Variants in PCNX1 observed in about 807,000 individuals in gnomAD.
PCNX1 encodes pecanex-like protein 1.
PCNX1 carries 78 observed loss-of-function variants against 242.2 expected under a neutral mutation model. The ratio of observed to expected loss-of-function variants is 0.32; its 90% CI spans 0.27 to 0.39. The LOEUF (loss-of-function observed/expected upper bound fraction) is 0.39, where lower values mean the gene tolerates loss of function less well. Among genes scored for constraint, PCNX1 ranks in the 10% least tolerant of loss-of-function variants. PCNX1 has a pLI of 1.00. For synonymous variants in PCNX1, 1,024 were observed against 1,032.9 expected (o/e 0.99, Z 0.17); for missense variants, 2,581 against 2,856.5 (o/e 0.90, Z 2.20).
chr14:70,989,319 TGTG>T (rs894110916), intron 7 of PCNX1, among the ~76,000 whole-genome samples: 1 of 151,666 alleles, frequency 6.6e-6, no homozygotes, highest in African/African-American at 2.4e-5. Flanking sequence ...AGCTCTGTAT[TGTG>T]GTAAACAAAA....
At chr14:71,076,065 CAGA>C in intron 27 of PCNX1, 121 bp from the exon 28 acceptor site, 1 of 619,952 alleles carries the variant, frequency 1.6e-6, no homozygotes, top group East Asian at 2.8e-5. Flanking sequence ...ACTTTTTAGT[CAGA>C]CTAAAAAGTG....
chr14:70,942,325 T>A (rs941374621), intron 1 of PCNX1, among the ~76,000 whole-genome samples: 19 of 152,224 alleles, frequency 1.2e-4, no homozygotes, highest in Non-Finnish European at 2.2e-4. Context: ...AGGTTTTTTT[T>A]AAATAAAGAC....
Position 70,978,033 on chromosome 14 carries a change from A to C in PCNX1, c.1696A>C (p.Lys566Gln). The change falls in exon 6 of 36, where the codon AAA becomes CAA. Residue 566 changes from lysine to glutamine, a missense_variant. Around this residue, in one of 9 missense-constraint regions of PCNX1, gnomAD observed 1,204 missense variants for 1,216.7 expected, o/e 0.99. Coordinates refer to ENST00000304743, the MANE Select transcript of PCNX1 (RefSeq NM_014982.3). Reference sequence around the variant, plus strand: ...CAAGTCAGGCAGGAGACGCACAGGAAAAAAACGGGCTAGCAGTTTTGATTC... The same window carrying C: ...CAAGTCAGGCAGGAGACGCACAGGACAAAAACGGGCTAGCAGTTTTGATTC... Reference protein sequence around the residue: ...AHKSGRRRTGKKRASSFDSSR... With the variant: ...AHKSGRRRTGQKRASSFDSSR... The C allele has an allele frequency of 6.2e-7, 1 of 1,614,126 alleles. No homozygotes were observed. Among genetic ancestry groups the C allele is most frequent in the Non-Finnish European group, 8.5e-7 (1 of 1,180,022 alleles).
At chr14:71,060,435 T>C (rs1389966091) in intron 26 of PCNX1, among the ~76,000 whole-genome samples, 1 of 152,234 alleles carries the variant, frequency 6.6e-6, no homozygotes, top group Admixed American at 6.5e-5. Context: ...GGCAGACTCA[T>C]ACATCTCACA....
intron 1 of PCNX1, among the ~76,000 whole-genome samples, chr14:70,921,892 G>T (rs997296242): frequency 6.6e-6 from 1 of 152,038 alleles, no homozygotes; most frequent in Non-Finnish European, 1.5e-5. Flanking sequence ...AATGCTTCAG[G>T]CAATATTTTT....
rs2062759375 is a variant in PCNX1 at position 71,111,884 on chromosome 14, G to GTAT, written c.*1951_*1953dup. The GTAT allele has an allele frequency of 6.6e-6, 1 of 152,396 alleles. No homozygotes were observed. The highest frequency in any genetic ancestry group is 1.5e-5 in the Non-Finnish European group (1 of 67,944). 9.4% of individuals were successfully genotyped at this position (152,396 alleles called of 1,614,324 possible). ...CTTTCTAAATTGACCATTTAAAAATGTATTTTTGTGATACCGTCATTATGT... is the reference window on the plus strand; with the variant it reads ...CTTTCTAAATTGACCATTTAAAAATGTATTATTTTTGTGATACCGTCATTATGT... On this transcript the variant is annotated 3_prime_UTR_variant, in exon 36 of 36. Coordinates refer to ENST00000304743, the MANE Select transcript of PCNX1 (RefSeq NM_014982.3).
At chr14:71,079,051 C>T (rs1270259289) in intron 28 of PCNX1, among the ~76,000 whole-genome samples, 2 of 152,102 alleles carry the variant, frequency 1.3e-5, no homozygotes, top group Non-Finnish European at 2.9e-5. Context: ...TCCCTGTGTC[C>T]ATGTGTTCTC....
intron 6 of PCNX1, among the ~76,000 whole-genome samples, chr14:70,978,953 TCTTC>T (rs1438627614): frequency 2.0e-5 from 3 of 152,162 alleles, no homozygotes; most frequent in African/African-American, 7.2e-5. Flanking sequence ...AAATTAGCCC[TCTTC>T]CTTTGTATAG....
intron 15 of PCNX1, 53 bp downstream of exon 15, chr14:71,026,935 T>G (rs1347160590): frequency 6.3e-6 from 5 of 792,032 alleles, no homozygotes; most frequent in Non-Finnish European, 1.1e-5. Context: ...TTATAGATCA[T>G]GAAGTAATAA....
At position 70,977,028 on chromosome 14, in the gene PCNX1, G is replaced by C. The variant is rs912722695; in HGVS notation, c.691G>C (p.Asp231His). The C allele has an allele frequency of 2.5e-6, 4 of 1,613,994 alleles. No homozygotes were observed. In the African/African-American group the frequency reaches 5.3e-5, roughly 22 times the overall value. Residue 231 changes from aspartate to histidine, a missense_variant, in exon 6 of 36, where the codon GAC becomes CAC. By Grantham distance (81) the Asp-to-His change is moderately conservative (BLOSUM62 -1). Around this residue, in one of 9 missense-constraint regions of PCNX1, gnomAD observed 1,204 missense variants for 1,216.7 expected, o/e 0.99. Transcript: ENST00000304743. ...GCCTTCCTTATCCTCTTGTGGACAG[G>C]ACTTGCCAAGGGACTTCAGTGACAA... ...IQPSLSSCGQ[D>H]LPRDFSDKVN...
intron 22 of PCNX1, among the ~76,000 whole-genome samples, chr14:71,048,441 A>G (rs76011287): frequency 1.9e-4 from 29 of 152,290 alleles, no homozygotes; most frequent in Non-Finnish European, 3.7e-4. Context: ...GCTAAAATTC[A>G]TTATCCACCC....
chr14:70,910,907 G>T (rs905387418), intron 1 of PCNX1, among the ~76,000 whole-genome samples: 2 of 152,176 alleles, frequency 1.3e-5, no homozygotes, highest in Non-Finnish European at 2.9e-5. Flanking sequence ...TGTTAGAACT[G>T]CTAGGAAAGG....
chr14:71,026,008 T>A (rs2060234353), intron 13 of PCNX1, 109 bp from the exon 14 acceptor site: 1 of 553,104 alleles, frequency 1.8e-6, no homozygotes. Flanking sequence ...AAATCTGGCT[T>A]CCATATGGAA....
intron 29 of PCNX1, 47 bp from the exon 30 acceptor site, chr14:71,089,145 G>C: frequency 6.9e-7 from 1 of 1,447,974 alleles, no homozygotes. Flanking sequence ...CAGTGTCATG[G>C]AAGACCTTTG....
At chr14:71,098,353 G>A (rs375950126) in intron 30 of PCNX1, among the ~76,000 whole-genome samples, 529 of 152,254 alleles carry the variant, frequency 3.5e-3, no homozygotes, top group African/African-American at 0.012. Context: ...CATCGAAGCT[G>A]TAGATTGCCT....
chr14:71,048,963 A>G (rs1439486590), intron 22 of PCNX1: 2 of 736,646 alleles, frequency 2.7e-6, no homozygotes, highest in East Asian at 1.3e-4. Context: ...ACTAATTTGT[A>G]TTTTTATCAT....
chr14:71,054,634 A>G (rs2061130924), intron 24 of PCNX1, among the ~76,000 whole-genome samples: 1 of 152,170 alleles, frequency 6.6e-6, no homozygotes, highest in Non-Finnish European at 1.5e-5. Flanking sequence ...AGTGTTAAGT[A>G]AAAATGGTGT....
intron 6 of PCNX1, among the ~76,000 whole-genome samples, chr14:70,984,700 A>G (rs754995357): frequency 6.6e-6 from 1 of 152,116 alleles, no homozygotes; most frequent in African/African-American, 2.4e-5. Flanking sequence ...TCATTTTTAA[A>G]TAGCATCTTT....
chr14:71,002,304 C>G (rs760463589), intron 8 of PCNX1, among the ~76,000 whole-genome samples: 3 of 152,194 alleles, frequency 2.0e-5, no homozygotes, highest in Non-Finnish European at 4.4e-5. Context: ...TGACTGTTTG[C>G]TGCTACATGC....
Sources: allele counts gnomAD v4.1 joint callset (sites outside exome capture counted in the v4.1 genomes callset), GRCh38; gene constraint gnomAD v4.1.1; regional missense constraint gnomAD v4.1.1; transcripts MANE v1.5; gene names NCBI Gene and HGNC (gene_info 2026-07-23, HGNC 2026-07-21).